The following CUX2 variants were observed in gnomAD, a reference collection of about 807,000 sequenced individuals.
The protein encoded by CUX2 is cut like homeobox 2, also known as homeobox protein cut-like 2.
A neutral mutation model predicts 144.8 loss-of-function variants in CUX2; 40 were observed. The ratio of observed to expected loss-of-function variants is 0.28; its 90% CI spans 0.21 to 0.36. The LOEUF (loss-of-function observed/expected upper bound fraction) is 0.36, where lower values mean the gene tolerates loss of function less well. CUX2 is among the 10% of genes least tolerant of loss of function. CUX2 has a pLI of 1.00. For missense variants in CUX2, 1,615 were observed against 1,994.0 expected (o/e 0.81, Z 3.62); for synonymous variants, 827 against 875.6 (o/e 0.94, Z 0.98).
intron 1 of CUX2, among the ~76,000 whole-genome samples, chr12:111,189,468 G>C (rs1404113415): frequency 6.6e-6 from 1 of 152,180 alleles, no homozygotes; most frequent in Non-Finnish European, 1.5e-5. Context: ...CACTGGGCTG[G>C]TTTTGTTCCA....
At chr12:111,298,095 A>G (rs903704755) in intron 8 of CUX2, among the ~76,000 whole-genome samples, 3 of 152,042 alleles carry the variant, frequency 2.0e-5, no homozygotes, top group African/African-American at 7.3e-5. Flanking sequence ...CGCGTCTCCC[A>G]CCCCCTGCTA....
intron 4 of CUX2, among the ~76,000 whole-genome samples, chr12:111,291,108 G>A (rs556349830): frequency 1.3e-4 from 19 of 151,660 alleles, no homozygotes; most frequent in South Asian, 4.2e-4. Flanking sequence ...CAAATGATCC[G>A]CCTACCTTAG....
rs1384859782 is a variant in CUX2, at chr12:111,214,316, G to T, written c.174+6G>T. 2.0e-6 allele frequency: 3 copies of T among 1,512,750 alleles called. No individual in the cohort carries two copies. Among genetic ancestry groups the T allele is most frequent in the South Asian group, 2.4e-5 (2 of 85,100 alleles). 93.7% of individuals were successfully genotyped at this position (1,512,750 alleles called of 1,614,324 possible). ...TTAAGAAAAATGTACCTGAGGTATG[G>T]TATATTTGCCGTTATAGAATTAACT... On this transcript the variant is annotated splice_donor_region_variant and intron_variant, in intron 2 of 21. Coordinates refer to ENST00000261726, the MANE Select transcript of CUX2 (RefSeq NM_015267.4).
intron 3 of CUX2, among the ~76,000 whole-genome samples, chr12:111,218,855 C>T (rs1274617303): frequency 6.6e-6 from 1 of 152,104 alleles, no homozygotes; most frequent in Admixed American, 6.5e-5. Flanking sequence ...TCAGGGTGAA[C>T]CCCCGCCCCA....
Position 111,263,851 on chromosome 12 carries a change from T to C in CUX2, c.301+12T>C. 1.2e-6 allele frequency: 2 copies of C among 1,609,498 alleles called. No homozygotes were observed. Among genetic ancestry groups the C allele is most frequent in the Middle Eastern group, 1.7e-4 (1 of 6,050 alleles). Reference sequence around the variant, plus strand: ...AATTGAAGCACCAGGTAAGAAATGCTTGGGCTCCGTAATTGAATAGTTAAC... The same window carrying C: ...AATTGAAGCACCAGGTAAGAAATGCCTGGGCTCCGTAATTGAATAGTTAAC... On this transcript the variant is annotated intron_variant, in intron 4 of 21. Transcript: ENST00000261726. The surrounding 1 kb of genome is among the most constrained non-coding windows in gnomAD (Gnocchi z 4.0).
intron 1 of CUX2, among the ~76,000 whole-genome samples, chr12:111,051,928 A>G (rs1401563794): frequency 6.6e-6 from 1 of 152,000 alleles, no homozygotes; most frequent in Non-Finnish European, 1.5e-5. Context: ...AGGGTTTACC[A>G]TATATATTGT....
intron 18 of CUX2, among the ~76,000 whole-genome samples, chr12:111,328,439 C>T (rs1371289079): frequency 1.3e-5 from 2 of 152,188 alleles, no homozygotes; most frequent in Non-Finnish European, 2.9e-5. Context: ...CCTACCGTGG[C>T]AGCATCAGTA....
intron 1 of CUX2, among the ~76,000 whole-genome samples, chr12:111,169,511 C>T (rs1878380464): frequency 6.6e-6 from 1 of 152,188 alleles, no homozygotes; most frequent in Admixed American, 6.5e-5. Context: ...GATAGCCAAT[C>T]GGATCAGGGA....
At position 111,077,661 on chromosome 12, in the gene CUX2, G is replaced by A. The variant is rs77145663; in HGVS notation, c.63+43421G>A. On this transcript the variant is annotated intron_variant, in intron 1 of 21. Coordinates refer to ENST00000261726, the MANE Select transcript of CUX2 (RefSeq NM_015267.4). This position sits in a 1 kb window ranked among gnomAD's most constrained non-coding sequence, Gnocchi z 4.1. The stretch of plus-strand genomic sequence containing the variant: ...CAAACACCTGACTCACTCAATAAGC[G>A]TTGCATTGTGGAGACAGGATGGAGG... 5.3e-5 allele frequency among the ~76,000 whole-genome samples: 8 copies of A among 152,246 alleles called. No individual in the cohort carries two copies. The highest frequency in any genetic ancestry group is 1.2e-4 in the African/African-American group (5 of 41,548).
chr12:111,307,011 G>T lies in CUX2; in HGVS notation c.949G>T (p.Val317Leu), dbSNP rs369796774. The part of the protein sequence containing the change: ...DREILRLLKD[V>L]QHLQSSLQEL... The stretch of plus-strand genomic sequence containing the variant: ...GGAGATCCTGCGGCTGCTGAAGGAC[G>T]TGCAGCACCTCCAGAGCTCACTGCA... Residue 317 changes from valine to leucine, a missense_variant, in exon 11 of 22, where the codon GTG becomes TTG. Coordinates refer to ENST00000261726, the MANE Select transcript of CUX2 (RefSeq NM_015267.4). The surrounding 1 kb of genome is among the most constrained non-coding windows in gnomAD (Gnocchi z 4.1). The T allele has an allele frequency of 6.2e-7, 1 of 1,613,806 alleles. No homozygotes were observed. Among genetic ancestry groups the T allele is most frequent in the South Asian group, 1.1e-5 (1 of 91,082 alleles).
chr12:111,243,771 G>C (rs951658188), intron 3 of CUX2, among the ~76,000 whole-genome samples: 4 of 152,086 alleles, frequency 2.6e-5, no homozygotes, highest in African/African-American at 4.8e-5. Flanking sequence ...GGAAGGTCTT[G>C]AGGTGCACAA....
chr12:111,072,833 C>T (rs1051774632), intron 1 of CUX2, among the ~76,000 whole-genome samples: 1 of 152,206 alleles, frequency 6.6e-6, no homozygotes, highest in African/African-American at 2.4e-5. Context: ...TCAGTGTCCT[C>T]TGCTGGGGGG....
intron 20 of CUX2, among the ~76,000 whole-genome samples, chr12:111,340,740 T>C (rs2136446021): frequency 6.6e-6 from 1 of 152,360 alleles, no homozygotes; most frequent in African/African-American, 2.4e-5. Flanking sequence ...CCTGGCATGC[T>C]TATAGTGGTC....
In CUX2 at chr12:111,034,491, G is replaced by C. The variant is rs1242120919; in HGVS notation, c.63+251G>C. The stretch of plus-strand genomic sequence containing the variant: ...GAGAAGCGCTAGTGAGCCCTCGGTC[G>C]GCGGAGCGGCCGAGCGGCCAGGCGG... On this transcript the variant is annotated intron_variant, in intron 1 of 21. Coordinates refer to ENST00000261726, the MANE Select transcript of CUX2 (RefSeq NM_015267.4). The surrounding 1 kb of genome is among the most constrained non-coding windows in gnomAD (Gnocchi z 4.2). Among the ~76,000 whole-genome samples, 2 of 151,702 alleles carry C rather than the reference G, an allele frequency of 1.3e-5. No individual in the cohort carries two copies. Among genetic ancestry groups the C allele is most frequent in the South Asian group, 4.1e-4 (2 of 4,836 alleles).
In CUX2 at chr12:111,186,421, G is replaced by A. The variant is rs757548303; in HGVS notation, c.64-27779G>A. On this transcript the variant is annotated intron_variant, in intron 1 of 21. Transcript: ENST00000261726. The surrounding 1 kb of genome is among the most constrained non-coding windows in gnomAD (Gnocchi z 4.4). ...GTGGGGAAGGCTAAGTTGCTATGAC[G>A]TTAAGCTGAGACCCGAAGCATAAAC... Among the ~76,000 whole-genome samples, 15 of 152,306 alleles carry A rather than the reference G, an allele frequency of 9.8e-5. No homozygotes were observed. The highest frequency in any genetic ancestry group is 3.4e-4 in the African/African-American group (14 of 41,562).
At chr12:111,103,974 A>G (rs1475801577) in intron 1 of CUX2, among the ~76,000 whole-genome samples, 1 of 152,168 alleles carries the variant, frequency 6.6e-6, no homozygotes, top group Non-Finnish European at 1.5e-5. Context: ...ATTCCCCCTG[A>G]TTGGACCAAC....
At chr12:111,218,027 C>T in intron 3 of CUX2, 90 bp downstream of exon 3, 1 of 1,381,996 alleles carries the variant, frequency 7.2e-7, no homozygotes, top group Non-Finnish European at 1.0e-6. Context: ...GGGCCAGCAG[C>T]CTCCAGAAGC....
At chr12:111,345,079 AT>A (rs1261224395) in intron 21 of CUX2, among the ~76,000 whole-genome samples, 1 of 151,786 alleles carries the variant, frequency 6.6e-6, no homozygotes, top group Non-Finnish European at 1.5e-5. Context: ...GGTTTTTGCC[AT>A]TTTTTAAAAA....
At chr12:111,207,033 T>A (rs887397773) in intron 1 of CUX2, among the ~76,000 whole-genome samples, 1 of 152,138 alleles carries the variant, frequency 6.6e-6, no homozygotes, top group African/African-American at 2.4e-5. Context: ...TAGATAGATG[T>A]ATGATTAGAT....
Sources: gnomAD v4.1 joint callset for allele counts (sites outside exome capture counted in the v4.1 genomes callset) on GRCh38, gnomAD v4.1.1 for gene constraint, Gnocchi (gnomAD v3.1) non-coding constraint, MANE v1.5 for transcripts, NCBI Gene and HGNC (gene_info 2026-07-23, HGNC 2026-07-21) for gene names.